RNF169: variants seen among roughly 807,000 people sequenced by gnomAD.
RNF169 encodes the protein ring finger protein 169.
RNF169 carries 24 observed loss-of-function variants against 53.9 expected under a neutral mutation model. The ratio of observed to expected loss-of-function variants is 0.45; its 90% CI spans 0.32 to 0.63. RNF169 has a LOEUF of 0.63. RNF169 is among the 20% of genes least tolerant of loss of function. The pLI is 0.04. For synonymous variants in RNF169, 396 were observed against 363.5 expected (o/e 1.09, Z -1.02); for missense variants, 883 against 906.2 (o/e 0.97, Z 0.33).
chr11:74,795,525 C>T (rs2035635987), intron 2 of RNF169, among the ~76,000 whole-genome samples: 1 of 152,154 alleles, frequency 6.6e-6, no homozygotes, highest in Admixed American at 6.5e-5. Context: ...CATATGTGGG[C>T]AAATACAATC....
At chr11:74,774,379 CAAAA>C (rs200963092) in intron 1 of RNF169, among the ~76,000 whole-genome samples, 3 of 148,240 alleles carry the variant, frequency 2.0e-5, no homozygotes, top group Admixed American at 6.7e-5. Flanking sequence ...AAGAAACAAA[CAAAA>C]AAAAACCTGA....
chr11:74,814,585 C>G (rs2035919194), intron 3 of RNF169, among the ~76,000 whole-genome samples: 1 of 151,572 alleles, frequency 6.6e-6, no homozygotes, highest in Admixed American at 6.6e-5. Context: ...GAGACAGGGT[C>G]TCACTGTGTT....
At chr11:74,781,615 A>G (rs1253932236) in intron 1 of RNF169, among the ~76,000 whole-genome samples, 1 of 152,222 alleles carries the variant, frequency 6.6e-6, no homozygotes, top group Non-Finnish European at 1.5e-5. Flanking sequence ...TGGTCTTATG[A>G]AACTTTTTGT....
chr11:74,798,959 TG>T (rs993525276), intron 2 of RNF169, among the ~76,000 whole-genome samples: 1 of 151,438 alleles, frequency 6.6e-6, no homozygotes, highest in African/African-American at 2.4e-5. Context: ...GAGGCTGAGC[TG>T]GGGAGATTGC....
At chr11:74,786,455 G>C (rs1223913866) in intron 1 of RNF169, among the ~76,000 whole-genome samples, 2 of 151,640 alleles carry the variant, frequency 1.3e-5, no homozygotes, top group African/African-American at 4.9e-5. Context: ...CAGAGATGAG[G>C]TCTGTCTGTG....
In RNF169 at chr11:74,840,738, G is replaced by A. The variant is rs893082636; in HGVS notation, c.*4008G>A. The A allele has an allele frequency of 2.0e-5, 3 of 151,840 alleles. No homozygotes were observed. The highest frequency in any genetic ancestry group is 1.3e-4 in the Admixed American group (2 of 15,252). 9.4% of individuals were successfully genotyped at this position (151,840 alleles called of 1,614,324 possible). A position where few individuals can be genotyped will look rare whatever the true frequency, so the allele number is the denominator to read the frequency against. On this transcript the variant is annotated 3_prime_UTR_variant, in exon 6 of 6. Transcript: ENST00000299563. ...AGTCATAGAATGTTACAGCTGGAAT[G>A]GGCATGGAAATCATCCAAGTTAAAC...
chr11:74,835,956 T>C lies in RNF169; in HGVS notation c.1353T>C (p.Thr451=). Residue 451 remains threonine, a synonymous_variant, in exon 6 of 6, where the codon ACT becomes ACC. Coordinates refer to ENST00000299563, the MANE Select transcript of RNF169 (RefSeq NM_001098638.2). ...TCAAAAAGACCCTTTCAAAAGCCAC[T>C]CTTACCTCTCTGGCTCCTGAAATGG... ...RQIKKTLSKA[T]LTSLAPEMGE... is the part of the protein sequence containing the mutation. 6.2e-7 allele frequency: 1 copy of C among 1,614,158 alleles called. No individual in the cohort carries two copies.
chr11:74,823,653 C>CT (rs1352728037), intron 4 of RNF169, among the ~76,000 whole-genome samples: 2 of 149,266 alleles, frequency 1.3e-5, no homozygotes, highest in African/African-American at 4.9e-5. Flanking sequence ...GGGAGGATCT[C>CT]TTGAGCCCAG....
At chr11:74,758,402 C>T (rs1192796404) in intron 1 of RNF169, among the ~76,000 whole-genome samples, 3 of 149,680 alleles carry the variant, frequency 2.0e-5, no homozygotes, top group Non-Finnish European at 4.5e-5. Context: ...GTTACTGTAG[C>T]CTTGTAGTAT....
chr11:74,827,450 C>T (rs2036115419), intron 4 of RNF169, among the ~76,000 whole-genome samples: 1 of 152,236 alleles, frequency 6.6e-6, no homozygotes, highest in Admixed American at 6.5e-5. Context: ...TGGCAATTAA[C>T]ATTTGGCTCC....
At chr11:74,760,410 C>A (rs916393446) in intron 1 of RNF169, among the ~76,000 whole-genome samples, 1 of 151,790 alleles carries the variant, frequency 6.6e-6, no homozygotes, top group African/African-American at 2.4e-5. Flanking sequence ...GTTAGGGTGT[C>A]AATTTTGGAT....
intron 4 of RNF169, among the ~76,000 whole-genome samples, chr11:74,823,627 C>A (rs907448473): frequency 6.6e-6 from 1 of 150,970 alleles, no homozygotes; most frequent in African/African-American, 2.4e-5. Flanking sequence ...GTTCCAGCTA[C>A]TCAGGAGGCT....
At position 74,839,926 on chromosome 11, in the gene RNF169, TGGC is replaced by T. The variant is rs2036325186; in HGVS notation, c.*3197_*3199del. 4.6e-5 allele frequency: 7 copies of T among 152,342 alleles called. No homozygotes were observed. Among genetic ancestry groups the T allele is most frequent in the African/African-American group, 1.7e-4 (7 of 41,568 alleles). The allele number at this position is 152,342 out of a possible 1,614,324, so 9.4% of individuals were successfully genotyped here. A position where few individuals can be genotyped will look rare whatever the true frequency, so the allele number is the denominator to read the frequency against. ...GAGGCTTGCCAGGGAAACTCCTAAG[TGGC>T]TTCACTTATTTTTTAAATTTTAATT... On this transcript the variant is annotated 3_prime_UTR_variant, in exon 6 of 6. Transcript: ENST00000299563.
intron 1 of RNF169, among the ~76,000 whole-genome samples, chr11:74,766,240 A>C (rs1469685789): frequency 6.6e-6 from 1 of 152,188 alleles, no homozygotes; most frequent in Non-Finnish European, 1.5e-5. Context: ...AAAGAGTAAA[A>C]TCTCCCCACA....
intron 1 of RNF169, among the ~76,000 whole-genome samples, chr11:74,754,672 T>G (rs1399761380): frequency 1.3e-5 from 2 of 152,098 alleles, no homozygotes; most frequent in Non-Finnish European, 2.9e-5. Flanking sequence ...AACACAAGAA[T>G]TAGCCGGACG....
intron 2 of RNF169, among the ~76,000 whole-genome samples, chr11:74,802,003 G>A (rs2035738080): frequency 6.6e-6 from 1 of 152,124 alleles, no homozygotes; most frequent in African/African-American, 2.4e-5. Context: ...ATTTTATAAG[G>A]AAAAACCTGT....
In RNF169 at chr11:74,796,284, C is replaced by T. The variant is rs1000888407; in HGVS notation, c.576+6585C>T. On this transcript the variant is annotated intron_variant, in intron 2 of 5. Coordinates refer to ENST00000299563, the MANE Select transcript of RNF169 (RefSeq NM_001098638.2). ...TTTTTAAATGGAAGGAGAGTATTAACACATGCTCAGTCCTTCATCTGGATA... is the reference window on the plus strand; with the variant it reads ...TTTTTAAATGGAAGGAGAGTATTAATACATGCTCAGTCCTTCATCTGGATA... Among the ~76,000 whole-genome samples the T allele has an allele frequency of 2.0e-5, 3 of 152,150 alleles. 1 individual carries two copies. The highest frequency in any genetic ancestry group is 7.2e-5 in the African/African-American group (3 of 41,422).
intron 1 of RNF169, among the ~76,000 whole-genome samples, chr11:74,765,164 G>A (rs1439162681): frequency 3.3e-5 from 5 of 152,128 alleles, no homozygotes; most frequent in Admixed American, 6.6e-5. Context: ...AGCTGTGTTC[G>A]TGCCACTGTA....
At chr11:74,824,347 AAAAT>A (rs2098627323) in intron 4 of RNF169, among the ~76,000 whole-genome samples, 1 of 152,234 alleles carries the variant, frequency 6.6e-6, no homozygotes. Flanking sequence ...AGAATAAAGA[AAAAT>A]AAACAGAGCC....
Sources: allele counts gnomAD v4.1 joint callset (sites outside exome capture counted in the v4.1 genomes callset), GRCh38; gene constraint gnomAD v4.1.1; transcripts MANE v1.5; gene names NCBI Gene and HGNC (gene_info 2026-07-23, HGNC 2026-07-21).